Variants in DOCK3 observed in about 807,000 individuals in gnomAD.
The protein encoded by DOCK3 is dedicator of cytokinesis 3, also known as dedicator of cytokinesis protein 3.
DOCK3 carries 60 observed loss-of-function variants against 265.6 expected under a neutral mutation model. The observed-to-expected ratio is 0.23, with a 90% CI of 0.18 to 0.28. DOCK3 has a LOEUF of 0.28. Ranked by LOEUF, DOCK3 falls within the 10% of genes least tolerant of loss-of-function variation. The pLI is 1.00. For synonymous variants in DOCK3, 881 were observed against 938.0 expected (o/e 0.94, Z 1.11); for missense variants, 1,981 against 2,594.3 (o/e 0.76, Z 5.14).
At chr3:50,887,327 C>A (rs2048397225) in intron 3 of DOCK3, among the ~76,000 whole-genome samples, 1 of 147,472 alleles carries the variant, frequency 6.8e-6, no homozygotes. Flanking sequence ...AAGTCGAATC[C>A]CTGAAGAGGC....
intron 1 of DOCK3, among the ~76,000 whole-genome samples, chr3:50,732,548 G>T (rs140361596): frequency 6.6e-6 from 1 of 152,118 alleles, no homozygotes; most frequent in South Asian, 2.1e-4. Flanking sequence ...AGGACTACGG[G>T]TGCACACCAT....
intron 4 of DOCK3, among the ~76,000 whole-genome samples, chr3:50,922,096 C>T (rs184638312): frequency 4.6e-5 from 7 of 152,302 alleles, no homozygotes; most frequent in African/African-American, 9.6e-5. Context: ...CAGACAGGGA[C>T]GTTTAAGTCT....
chr3:50,854,465 C>G (rs1260655187), intron 3 of DOCK3, among the ~76,000 whole-genome samples: 3 of 147,192 alleles, frequency 2.0e-5, no homozygotes, highest in African/African-American at 5.0e-5. Context: ...GGGTCTTGCT[C>G]TGTCATCCAG....
Position 51,383,988 on chromosome 3 carries a change from C to A in DOCK3, c.*2429C>A, listed in dbSNP as rs2164598. On this transcript the variant is annotated 3_prime_UTR_variant, in exon 53 of 53. Coordinates refer to ENST00000266037, the MANE Select transcript of DOCK3 (RefSeq NM_004947.5). ...AGAAAAAAAGTGATTTAAAAATGAT[C>A]TTACCTGTACCAGAAAAGCAAAGTT... 6.5e-6 allele frequency: 1 copy of A among 152,744 alleles called. No individual in the cohort carries two copies. Among genetic ancestry groups the A allele is most frequent in the Admixed American group, 6.5e-5 (1 of 15,298 alleles). 9.5% of individuals were successfully genotyped at this position (152,744 alleles called of 1,614,324 possible). A position where few individuals can be genotyped will look rare whatever the true frequency, so the allele number is the denominator to read the frequency against.
intron 22 of DOCK3, among the ~76,000 whole-genome samples, chr3:51,258,178 T>C (rs1187271907): frequency 6.6e-6 from 1 of 152,204 alleles, no homozygotes; most frequent in African/African-American, 2.4e-5. Flanking sequence ...TCATTACATC[T>C]CTTGTGATAA....
intron 50 of DOCK3, 46 bp from the exon 51 acceptor site, chr3:51,375,702 T>C (rs563708942): frequency 6.8e-6 from 11 of 1,608,240 alleles, no homozygotes; most frequent in Non-Finnish European, 9.4e-6. Flanking sequence ...TCCCAAGATA[T>C]AATTGGTTGT....
intron 5 of DOCK3, among the ~76,000 whole-genome samples, chr3:51,002,960 A>C (rs2078538474): frequency 6.6e-6 from 1 of 152,204 alleles, no homozygotes; most frequent in Non-Finnish European, 1.5e-5. Context: ...TCATTCTGGA[A>C]AGCATTATTT....
At position 51,381,583 on chromosome 3, in the gene DOCK3, C is replaced by T; in HGVS notation, c.*24C>T. The T allele has an allele frequency of 1.4e-6, 2 of 1,475,408 alleles. No homozygotes were observed. Among genetic ancestry groups the T allele is most frequent in the Non-Finnish European group, 1.8e-6 (2 of 1,117,194 alleles). The allele number at this position is 1,475,408 out of a possible 1,614,324, so 91.4% of individuals were successfully genotyped here. On this transcript the variant is annotated 3_prime_UTR_variant, in exon 53 of 53. Coordinates refer to ENST00000266037, the MANE Select transcript of DOCK3 (RefSeq NM_004947.5). The surrounding 1 kb of genome is among the most constrained non-coding windows in gnomAD (Gnocchi z 5.6). ...GAGGGGCAACGAGGCGGCTGGGATGCCGCCCTCAGTAAGCAGCTTGCCAAT... is the reference window on the plus strand; with the variant it reads ...GAGGGGCAACGAGGCGGCTGGGATGTCGCCCTCAGTAAGCAGCTTGCCAAT...
intron 5 of DOCK3, among the ~76,000 whole-genome samples, chr3:51,029,070 G>A (rs2108936470): frequency 1.3e-5 from 2 of 152,140 alleles, no homozygotes; most frequent in South Asian, 4.2e-4. Flanking sequence ...TAATTTTAAT[G>A]GGCTTTTTTG....
chr3:51,253,289 A>G (rs753618288), intron 22 of DOCK3, among the ~76,000 whole-genome samples: 15 of 152,216 alleles, frequency 9.9e-5, no homozygotes, highest in Non-Finnish European at 2.2e-4. Context: ...GGATTTTCGC[A>G]TCAATGTTCA....
intron 2 of DOCK3, among the ~76,000 whole-genome samples, chr3:50,791,147 T>C (rs1251912747): frequency 2.6e-5 from 4 of 152,156 alleles, no homozygotes; most frequent in Admixed American, 2.6e-4. Context: ...TTTGTTGTGA[T>C]TGCTTTTGGT....
At chr3:51,012,959 T>A (rs2079011152) in intron 5 of DOCK3, among the ~76,000 whole-genome samples, 1 of 152,226 alleles carries the variant, frequency 6.6e-6, no homozygotes, top group South Asian at 2.1e-4. Flanking sequence ...AGCTTGTGTG[T>A]GTGTCACATA....
intron 2 of DOCK3, among the ~76,000 whole-genome samples, chr3:50,835,673 C>T (rs2045465516): frequency 6.6e-6 from 1 of 152,076 alleles, no homozygotes; most frequent in Non-Finnish European, 1.5e-5. Context: ...GTTTTTAGGG[C>T]CTAATAAGCA....
At chr3:51,311,379 C>T (rs1347333273) in intron 28 of DOCK3, among the ~76,000 whole-genome samples, 1 of 152,190 alleles carries the variant, frequency 6.6e-6, no homozygotes, top group Non-Finnish European at 1.5e-5. Flanking sequence ...CACTAGACTT[C>T]CTCTCCACTT....
chr3:51,362,727 C>T (rs140412128), intron 49 of DOCK3, 53 bp downstream of exon 49: 59 of 1,585,086 alleles, frequency 3.7e-5, no homozygotes, highest in African/African-American at 9.4e-5. Context: ...TCTTCATCAA[C>T]GCCACTCGGC....
chr3:51,230,723 G>A (rs1387849913), intron 19 of DOCK3, among the ~76,000 whole-genome samples: 1 of 152,064 alleles, frequency 6.6e-6, no homozygotes, highest in Non-Finnish European at 1.5e-5. Context: ...CACCATGTTG[G>A]CCAGGATGGT....
intron 1 of DOCK3, among the ~76,000 whole-genome samples, chr3:50,769,670 G>T (rs2041151085): frequency 6.6e-6 from 1 of 151,950 alleles, no homozygotes; most frequent in South Asian, 2.1e-4. Flanking sequence ...AATTAGCCGG[G>T]TGTGTGTGGT....
At chr3:50,994,290 G>A (rs1450349441) in intron 5 of DOCK3, among the ~76,000 whole-genome samples, 1 of 152,156 alleles carries the variant, frequency 6.6e-6, no homozygotes, top group Non-Finnish European at 1.5e-5. Flanking sequence ...CAGTTACAAT[G>A]TATTAGACAC....
At chr3:51,183,611 G>A (rs1037022078) in intron 12 of DOCK3, among the ~76,000 whole-genome samples, 6 of 152,118 alleles carry the variant, frequency 3.9e-5, no homozygotes, top group African/African-American at 1.4e-4. Context: ...GGAGTTAATG[G>A]TCTGATTGGG....
Sources: allele counts gnomAD v4.1 joint callset (sites outside exome capture counted in the v4.1 genomes callset), GRCh38; gene constraint gnomAD v4.1.1; non-coding constraint Gnocchi (gnomAD v3.1); transcripts MANE v1.5; gene names NCBI Gene and HGNC (gene_info 2026-07-23, HGNC 2026-07-21).